The following PKIB variants were observed in gnomAD, a reference collection of about 807,000 sequenced individuals.
The protein encoded by PKIB is PKI-beta.
PKIB carries 2 observed loss-of-function variants against 4.5 expected under a neutral mutation model. That is an observed-to-expected ratio of 0.44 (90% CI 0.18 to 1.39). PKIB has a LOEUF of 1.39. Among genes scored for constraint, PKIB ranks in the 40% most tolerant of loss-of-function variants. PKIB has a pLI of 0.27. For synonymous variants in PKIB, 38 were observed against 36.0 expected, an observed-to-expected ratio of 1.06 and a Z score of -0.20; for missense variants, 94 against 92.6, an observed-to-expected ratio of 1.02 and a Z score of -0.06.
intron 3 of PKIB, among the ~76,000 whole-genome samples, chr6:122,590,062 G>A (rs749878093): frequency 1.2e-4 from 18 of 152,082 alleles, no homozygotes; most frequent in Admixed American, 2.0e-4. Flanking sequence ...ACAAAAGGGG[G>A]ATTTTAAATA....
intron 2 of PKIB, among the ~76,000 whole-genome samples, chr6:122,558,948 C>T (rs1050412085): frequency 2.6e-5 from 4 of 152,126 alleles, no homozygotes; most frequent in Admixed American, 6.5e-5. Context: ...ATCATTCTTA[C>T]GCCTTTGCGC....
chr6:122,517,794 T>C (rs1193992645), intron 2 of PKIB, among the ~76,000 whole-genome samples: 1 of 152,230 alleles, frequency 6.6e-6, no homozygotes, highest in East Asian at 1.9e-4. Flanking sequence ...GATCACTGAA[T>C]GTGTCAAATC....
intron 3 of PKIB, among the ~76,000 whole-genome samples, chr6:122,711,332 G>A (rs1356188283): frequency 1.3e-5 from 2 of 152,148 alleles, no homozygotes; most frequent in African/African-American, 4.8e-5. Flanking sequence ...CATGGTAATG[G>A]AAGAAAGAGT....
intron 2 of PKIB, among the ~76,000 whole-genome samples, chr6:122,496,113 G>A (rs1562228772): frequency 6.6e-6 from 1 of 152,114 alleles, no homozygotes; most frequent in South Asian, 2.1e-4. Context: ...GCACCTCATG[G>A]TAAAGAAAGA....
At chr6:122,645,946 A>G (rs1321647985) in intron 2 of PKIB, among the ~76,000 whole-genome samples, 1 of 151,944 alleles carries the variant, frequency 6.6e-6, no homozygotes, top group Non-Finnish European at 1.5e-5. Flanking sequence ...AGATTAAAAG[A>G]CAACTTTGAT....
chr6:122,471,943 C>A (rs964616694), exon 1 of PKIB: 11 of 1,180,778 alleles, frequency 9.3e-6, no homozygotes, highest in South Asian at 5.2e-5. Context: ...CACTAGACGA[C>A]ACGGCTGTCT....
At chr6:122,686,636 A>AC (rs1452985451) in intron 3 of PKIB, among the ~76,000 whole-genome samples, 11 of 151,914 alleles carry the variant, frequency 7.2e-5, no homozygotes, top group Admixed American at 2.0e-4. Flanking sequence ...AGCTGGGGCA[A>AC]CAGGCAGGTG....
At chr6:122,555,756 A>G (rs570640174) in intron 2 of PKIB, among the ~76,000 whole-genome samples, 3 of 152,238 alleles carry the variant, frequency 2.0e-5, no homozygotes, top group African/African-American at 7.2e-5. Context: ...ACATTACTTG[A>G]TGGCTGGTTT....
intron 2 of PKIB, among the ~76,000 whole-genome samples, chr6:122,503,874 A>G (rs1256571086): frequency 1.3e-5 from 2 of 152,232 alleles, no homozygotes; most frequent in African/African-American, 4.8e-5. Flanking sequence ...ATACAGGAGC[A>G]CCAAAACAAA....
intron 2 of PKIB, among the ~76,000 whole-genome samples, chr6:122,553,654 ACCTT>A (rs1772757058): frequency 6.6e-6 from 1 of 151,656 alleles, no homozygotes; most frequent in South Asian, 2.1e-4. Context: ...TTTCATGCTG[ACCTT>A]TTGTTATATA....
chr6:122,724,124 A>C (rs1779850075), intron 4 of PKIB, among the ~76,000 whole-genome samples: 1 of 152,186 alleles, frequency 6.6e-6, no homozygotes, highest in South Asian at 2.1e-4. Flanking sequence ...ACAACAAAAG[A>C]GGGATACCTT....
At chr6:122,555,752 C>T (rs1423668955) in intron 2 of PKIB, among the ~76,000 whole-genome samples, 1 of 152,178 alleles carries the variant, frequency 6.6e-6, no homozygotes, top group Admixed American at 6.5e-5. Flanking sequence ...CAAAACATTA[C>T]TTGATGGCTG....
At chr6:122,684,938 C>T (rs1329756256) in intron 3 of PKIB, among the ~76,000 whole-genome samples, 1 of 152,118 alleles carries the variant, frequency 6.6e-6, no homozygotes, top group African/African-American at 2.4e-5. Flanking sequence ...ATGTGAGTCT[C>T]TTATGTAAAA....
intron 2 of PKIB, among the ~76,000 whole-genome samples, chr6:122,502,318 C>G (rs929017192): frequency 1.3e-5 from 2 of 151,924 alleles, no homozygotes; most frequent in Non-Finnish European, 2.9e-5. Context: ...TTCTCTGGTA[C>G]CAATTTTCTG....
intron 1 of PKIB, among the ~76,000 whole-genome samples, chr6:122,623,737 A>T (rs908387307): frequency 2.6e-5 from 4 of 152,188 alleles, no homozygotes; most frequent in African/African-American, 9.7e-5. Context: ...AAATATGTTG[A>T]AGATCATTCA....
At chr6:122,715,933 A>G (rs1779474422) in intron 3 of PKIB, among the ~76,000 whole-genome samples, 2 of 151,608 alleles carry the variant, frequency 1.3e-5, no homozygotes, top group South Asian at 4.2e-4. Flanking sequence ...AACCTCTCTG[A>G]CCCCCCAGTT....
Position 122,725,112 on chromosome 6 carries a change from GA to G in PKIB, c.170-13del. The G allele has an allele frequency of 6.3e-7, 1 of 1,588,416 alleles. No homozygotes were observed. The highest frequency in any genetic ancestry group is 8.6e-7 in the Non-Finnish European group (1 of 1,163,148). ...TTTCAATATATTCCACATATGAATGGAAATTTTTTTTTCAGATGCAAAAGAG... is the reference window on the plus strand; with the variant it reads ...TTTCAATATATTCCACATATGAATGGAATTTTTTTTTCAGATGCAAAAGAG... On this transcript the variant is annotated splice_polypyrimidine_tract_variant and intron_variant, in intron 4 of 4. Coordinates refer to ENST00000368452, the MANE Select transcript of PKIB (RefSeq NM_181795.3).
chr6:122,549,079 TC>T (rs1269608539), intron 2 of PKIB, among the ~76,000 whole-genome samples: 15 of 152,278 alleles, frequency 9.9e-5, no homozygotes, highest in African/African-American at 3.6e-4. Context: ...TAGTTTACTT[TC>T]CCCCTTTGAG....
In PKIB at chr6:122,509,499, C is replaced by T. The variant is rs137982609; in HGVS notation, c.-248+31560C>T. On this transcript the variant is annotated intron_variant, in intron 2 of 6. Coordinates refer to the PKIB transcript ENST00000392491. ...AGGCTGGAGTCCAGTGGTGCGATCTCGGCTCACTGCAAGCTCTGCCTCCCA... is the reference window on the plus strand; with the variant it reads ...AGGCTGGAGTCCAGTGGTGCGATCTTGGCTCACTGCAAGCTCTGCCTCCCA... Among the ~76,000 whole-genome samples, 329 of 151,492 alleles carry T rather than the reference C, an allele frequency of 2.2e-3. 2 individuals carry two copies. The highest frequency in any genetic ancestry group is 7.3e-3 in the African/African-American group (299 of 41,186).
Sources: gnomAD v4.1 joint callset for allele counts (sites outside exome capture counted in the v4.1 genomes callset) on GRCh38, gnomAD v4.1.1 for gene constraint, MANE v1.5 for transcripts, NCBI Gene and HGNC (gene_info 2026-07-23, HGNC 2026-07-21) for gene names.